Variants in WWOX observed in about 807,000 individuals in gnomAD.
WWOX encodes the protein WW domain containing oxidoreductase.
Under a neutral mutation model 46.2 loss-of-function variants are expected in WWOX, and 69 were observed. The ratio of observed to expected loss-of-function variants is 1.49; its 90% CI spans 1.23 to 1.82. The LOEUF is 1.82. Among genes scored for constraint, WWOX ranks in the 40% most tolerant of loss-of-function variants. WWOX has a pLI of 0.00. For missense variants in WWOX, 919 were observed against 542.6 expected, an observed-to-expected ratio of 1.69 and a Z score of -6.89; for synonymous variants, 359 against 202.6, an observed-to-expected ratio of 1.77 and a Z score of -6.56.
chr16:78,187,689 C>T (rs571086470), intron 5 of WWOX, among the ~76,000 whole-genome samples: 66 of 152,300 alleles, frequency 4.3e-4, no homozygotes, highest in African/African-American at 1.5e-3. Flanking sequence ...GAAGGTGTGA[C>T]ATTGTGTAAC....
intron 8 of WWOX, among the ~76,000 whole-genome samples, chr16:78,646,143 C>G (rs1285926372): frequency 1.3e-5 from 2 of 152,164 alleles, no homozygotes; most frequent in South Asian, 2.1e-4. Context: ...CCAAATAACA[C>G]CTTTGCAGGT....
In WWOX at chr16:78,145,627, G is replaced by A. The variant is rs1222000989; in HGVS notation, c.410-18556G>A. ...CTGACTTAAATGTTAACCTCCTTTG[G>A]AAACACCCGCACAGACACACCCAGG... is the stretch of plus-strand genomic sequence containing the variant. On this transcript the variant is annotated intron_variant, in intron 4 of 8. Coordinates refer to ENST00000566780, the MANE Select transcript of WWOX (RefSeq NM_016373.4). Among the ~76,000 whole-genome samples, 3 of 152,076 alleles carry A rather than the reference G, an allele frequency of 2.0e-5. No individual in the cohort carries two copies. The South Asian group carries it at 6.2e-4, about 32-fold the overall frequency.
Position 78,156,988 on chromosome 16 carries a change from C to T in WWOX, c.410-7195C>T, listed in dbSNP as rs112578069. Among the ~76,000 whole-genome samples the T allele has an allele frequency of 1.1e-3, 171 of 152,162 alleles. 1 individual carries two copies. The highest frequency in any genetic ancestry group is 4.0e-3 in the African/African-American group (165 of 41,514). On this transcript the variant is annotated intron_variant, in intron 4 of 8. Transcript: ENST00000566780. ...GAACCTGCCTGGCCTTGTGTTATAT[C>T]GATGCTTTCTCAATCTGTTAAAAAC...
At chr16:78,336,026 A>T (rs1239997468) in intron 5 of WWOX, among the ~76,000 whole-genome samples, 1 of 152,028 alleles carries the variant, frequency 6.6e-6, no homozygotes, top group Admixed American at 6.5e-5. Context: ...TGGGAGGCAG[A>T]TGTTGCAGTG....
chr16:78,902,396 G>A (rs374177500), intron 8 of WWOX, among the ~76,000 whole-genome samples: 3 of 152,218 alleles, frequency 2.0e-5, no homozygotes, highest in South Asian at 2.1e-4. Context: ...ACAAGGGGAC[G>A]GTGACTTTTT....
intron 4 of WWOX, among the ~76,000 whole-genome samples, chr16:78,146,992 A>G (rs1235820496): frequency 6.6e-6 from 1 of 152,226 alleles, no homozygotes; most frequent in African/African-American, 2.4e-5. Context: ...AAATGTTATC[A>G]GTGTGAATTG....
intron 5 of WWOX, among the ~76,000 whole-genome samples, chr16:78,237,840 G>A (rs1351474041): frequency 1.3e-5 from 2 of 152,032 alleles, no homozygotes; most frequent in African/African-American, 2.4e-5. Flanking sequence ...TAATAGCCTC[G>A]GTTTTGCCTC....
At chr16:78,984,113 C>T (rs1277512125) in intron 8 of WWOX, among the ~76,000 whole-genome samples, 1 of 152,028 alleles carries the variant, frequency 6.6e-6, no homozygotes, top group Non-Finnish European at 1.5e-5. Flanking sequence ...CTCCTGACCT[C>T]GTGATCTGCC....
At chr16:78,101,061 C>G (rs200875763) in intron 1 of WWOX, among the ~76,000 whole-genome samples, 7 of 138,544 alleles carry the variant, frequency 5.1e-5, no homozygotes, top group Non-Finnish European at 1.1e-4. Context: ...TTTTTTTTTT[C>G]TTTTGAGACG....
At chr16:79,095,927 G>A (rs2150615893) in intron 8 of WWOX, among the ~76,000 whole-genome samples, 1 of 139,222 alleles carries the variant, frequency 7.2e-6, no homozygotes, top group Non-Finnish European at 1.5e-5. Flanking sequence ...CTAGCTCACT[G>A]CAACCTCTGC....
chr16:78,786,993 C>A (rs1261880604), intron 8 of WWOX, among the ~76,000 whole-genome samples: 1 of 152,012 alleles, frequency 6.6e-6, no homozygotes, highest in Admixed American at 6.6e-5. Context: ...ACTAAAAATA[C>A]ACAAATTAGC....
chr16:78,311,337 A>G (rs141022612), intron 5 of WWOX, among the ~76,000 whole-genome samples: 72 of 152,314 alleles, frequency 4.7e-4, no homozygotes, highest in African/African-American at 1.6e-3. Flanking sequence ...TGAACACTTA[A>G]CAGAGTCAAG....
intron 8 of WWOX, among the ~76,000 whole-genome samples, chr16:78,959,435 A>T (rs79074620): frequency 0.035 from 5,331 of 152,324 alleles, 328 homozygotes; most frequent in African/African-American, 0.12. Flanking sequence ...GATAACACTA[A>T]CAAGCTAATT....
chr16:78,836,303 C>T (rs931357732), intron 8 of WWOX, among the ~76,000 whole-genome samples: 1 of 152,072 alleles, frequency 6.6e-6, no homozygotes, highest in Non-Finnish European at 1.5e-5. Context: ...ACTGGCAGGG[C>T]CACACAAGGA....
Position 79,212,351 on chromosome 16 carries a change from A to G in WWOX, c.*555A>G. 2 of 619,154 alleles carry G rather than the reference A, an allele frequency of 3.2e-6. No individual in the cohort carries two copies. The highest frequency in any genetic ancestry group is 5.3e-6 in the Non-Finnish European group (2 of 374,122). 38.4% of individuals were successfully genotyped at this position (619,154 alleles called of 1,614,324 possible). A position where few individuals can be genotyped will look rare whatever the true frequency, so the allele number is the denominator to read the frequency against. On this transcript the variant is annotated 3_prime_UTR_variant, in exon 9 of 9. Coordinates refer to ENST00000566780, the MANE Select transcript of WWOX (RefSeq NM_016373.4). ...GTCCCAGCCAGTGAGGATGACAGTG[A>G]CACCCAGAGGGAGTAGAATACGCAG... is the stretch of plus-strand genomic sequence containing the variant.
In WWOX at chr16:78,184,468, G is replaced by A. The variant is rs1484602456; in HGVS notation, c.516+20179G>A. Reference sequence around the variant, plus strand: ...GACAATCATAAGCGTTTTATGATTTGTGGAGGATTTATATGTGAAGGAAAA... The same window carrying A: ...GACAATCATAAGCGTTTTATGATTTATGGAGGATTTATATGTGAAGGAAAA... On this transcript the variant is annotated intron_variant, in intron 5 of 8. Transcript: ENST00000566780. Among the ~76,000 whole-genome samples, 3 of 151,950 alleles carry A rather than the reference G, an allele frequency of 2.0e-5. No homozygotes were observed. In the South Asian group the frequency reaches 6.3e-4, roughly 32 times the overall value.
chr16:79,162,313 A>G (rs1265953275), intron 8 of WWOX, among the ~76,000 whole-genome samples: 1 of 152,200 alleles, frequency 6.6e-6, no homozygotes, highest in African/African-American at 2.4e-5. Context: ...ACTTCTTCAA[A>G]GTACAGTTTC....
intron 5 of WWOX, among the ~76,000 whole-genome samples, chr16:78,249,808 A>T (rs907563182): frequency 6.6e-6 from 1 of 152,056 alleles, no homozygotes; most frequent in African/African-American, 2.4e-5. Flanking sequence ...ACATTCCACA[A>T]ACATTTAATA....
intron 8 of WWOX, among the ~76,000 whole-genome samples, chr16:78,927,307 GTCCACTGTTTA>G (rs753557369): frequency 6.6e-6 from 1 of 152,166 alleles, no homozygotes; most frequent in Non-Finnish European, 1.5e-5. Flanking sequence ...CCTGCTCTTG[GTCCACTGTTTA>G]TCCTGGTGAC....
Sources: allele counts gnomAD v4.1 joint callset (sites outside exome capture counted in the v4.1 genomes callset), GRCh38; gene constraint gnomAD v4.1.1; transcripts MANE v1.5; gene names NCBI Gene and HGNC (gene_info 2026-07-23, HGNC 2026-07-21).